Variants in MYB observed in about 807,000 individuals in gnomAD.
The protein encoded by MYB is MYB proto-oncogene, transcription factor, also known as transcriptional activator Myb.
Under a neutral mutation model 92.9 loss-of-function variants are expected in MYB, and 28 were observed. The ratio of observed to expected loss-of-function variants is 0.30; its 90% CI spans 0.22 to 0.41. The LOEUF is 0.41. MYB is among the 10% of genes least tolerant of loss of function. The pLI is 1.00. For synonymous variants in MYB, 295 were observed against 329.1 expected (o/e 0.90, Z 1.12); for missense variants, 679 against 929.3 (o/e 0.73, Z 3.50).
At chr6:135,203,411 A>G in intron 15 of MYB, 87 bp downstream of exon 15, 1 of 1,093,142 alleles carries the variant, frequency 9.1e-7, no homozygotes. Flanking sequence ...TGGTGATGGT[A>G]GTGCTGGTGG....
chr6:135,199,450 TTTTA>T, intron 11 of MYB: 14 of 448,086 alleles, frequency 3.1e-5, no homozygotes, highest in South Asian at 2.4e-4. Flanking sequence ...TTTTATTTAA[TTTTA>T]TTTGTTTATT....
intron 2 of MYB, among the ~76,000 whole-genome samples, chr6:135,186,412 T>C (rs1775921781): frequency 6.6e-6 from 1 of 152,220 alleles, no homozygotes; most frequent in Non-Finnish European, 1.5e-5. Flanking sequence ...TGTTCTACTT[T>C]ATTGTTGCTG....
At position 135,182,568 on chromosome 6, in the gene MYB, G is replaced by A. The variant is rs1391112009; in HGVS notation, c.23+1032G>A. ...CTGCGCGGCGCGCACACGTGGATGCGGCTGAGGTCGCCGCGCCTTCTCGCA... is the reference window on the plus strand; with the variant it reads ...CTGCGCGGCGCGCACACGTGGATGCAGCTGAGGTCGCCGCGCCTTCTCGCA... On this transcript the variant is annotated intron_variant, in intron 1 of 15. Transcript: ENST00000341911. The surrounding 1 kb of genome is among the most constrained non-coding windows in gnomAD (Gnocchi z 5.6). 1.3e-5 allele frequency among the ~76,000 whole-genome samples: 2 copies of A among 152,208 alleles called. No individual in the cohort carries two copies. Among genetic ancestry groups the A allele is most frequent in the Non-Finnish European group, 2.9e-5 (2 of 68,030 alleles).
intron 15 of MYB, among the ~76,000 whole-genome samples, chr6:135,211,099 T>G (rs558775372): frequency 1.3e-5 from 2 of 151,300 alleles, no homozygotes; most frequent in South Asian, 4.2e-4. Flanking sequence ...TTTACTGGTT[T>G]TCTCTATTTT....
intron 9 of MYB, 94 bp from the exon 10 acceptor site, chr6:135,196,867 G>C: frequency 6.3e-7 from 1 of 1,587,678 alleles, no homozygotes; most frequent in African/African-American, 1.3e-5. Context: ...CGGGCCTAGT[G>C]TTTGCTTTGC....
chr6:135,195,465 A>G (rs1488288293), intron 8 of MYB: 1 of 422,670 alleles, frequency 2.4e-6, no homozygotes, highest in African/African-American at 2.0e-5. Context: ...TTTTAAGACA[A>G]TATGATAATT....
chr6:135,216,438 T>C (rs1780446775), intron 15 of MYB, among the ~76,000 whole-genome samples: 1 of 152,226 alleles, frequency 6.6e-6, no homozygotes, highest in African/African-American at 2.4e-5. Context: ...TAATGTACAT[T>C]GTACCCGTTC....
intron 1 of MYB, among the ~76,000 whole-genome samples, chr6:135,183,986 A>G (rs1183291398): frequency 1.3e-5 from 2 of 152,220 alleles, no homozygotes; most frequent in African/African-American, 2.4e-5. Context: ...CTTTGCCTCC[A>G]GAACCCTAGT....
In MYB at chr6:135,189,915, TA is replaced by T. The variant is rs1403182587; in HGVS notation, c.306+34del. 5.1e-6 allele frequency: 8 copies of T among 1,566,002 alleles called. No individual in the cohort carries two copies. The South Asian group carries it at 8.0e-5, about 16-fold the overall frequency. ...TCTTTCTTCATTGGTGTGTGACTCA[TA>T]ATTAAGAATATTCCCAAAATGCTAA... On this transcript the variant is annotated intron_variant, in intron 4 of 15. Coordinates refer to ENST00000341911, the MANE Select transcript of MYB (RefSeq NM_001130173.2).
In MYB at chr6:135,215,599, G is replaced by A. The variant is rs528806486; in HGVS notation, c.2170-2265G>A. ...TCAATAACACTTAGAGGCATGCGGT[G>A]CCTATAGTGAGGGCTTGTTTTATGT... On this transcript the variant is annotated intron_variant, in intron 15 of 15. Coordinates refer to ENST00000341911, the MANE Select transcript of MYB (RefSeq NM_001130173.2). 3.3e-5 allele frequency among the ~76,000 whole-genome samples: 5 copies of A among 152,302 alleles called. No homozygotes were observed. The South Asian group carries it at 1.0e-3, about 32-fold the overall frequency.
At chr6:135,196,302 CTT>C (rs1777297434) in intron 9 of MYB, among the ~76,000 whole-genome samples, 1 of 151,934 alleles carries the variant, frequency 6.6e-6, no homozygotes. Flanking sequence ...AGATTGATGA[CTT>C]ATAAAGCAGA....
At chr6:135,210,622 C>G (rs530605930) in intron 15 of MYB, among the ~76,000 whole-genome samples, 2 of 152,320 alleles carry the variant, frequency 1.3e-5, no homozygotes, top group African/African-American at 4.8e-5. Context: ...AATAAACAAG[C>G]ATGGGGGCAA....
chr6:135,214,663 C>T (rs1780191006), intron 15 of MYB, among the ~76,000 whole-genome samples: 1 of 152,170 alleles, frequency 6.6e-6, no homozygotes, highest in Non-Finnish European at 1.5e-5. Context: ...AACTATTCAC[C>T]CTCAAGTAGT....
intron 4 of MYB, 104 bp downstream of exon 4, chr6:135,189,987 A>G: frequency 7.2e-7 from 1 of 1,393,818 alleles, no homozygotes; most frequent in Non-Finnish European, 1.0e-6. Flanking sequence ...AACAGGAAGT[A>G]GAGGACTCTA....
intron 15 of MYB, among the ~76,000 whole-genome samples, chr6:135,206,784 A>G (rs949226747): frequency 2.0e-5 from 3 of 152,216 alleles, no homozygotes; most frequent in Admixed American, 6.5e-5. Flanking sequence ...ATACTTGCCA[A>G]TTGGGAGGAA....
chr6:135,184,322 CTTTTT>C, intron 1 of MYB, among the ~76,000 whole-genome samples: 6 of 68,416 alleles, frequency 8.8e-5, no homozygotes, highest in African/African-American at 3.6e-4. Flanking sequence ...GGCTTTATAG[CTTTTT>C]TTTTTTTTTT....
At chr6:135,203,982 T>C in intron 15 of MYB, 1 of 906,632 alleles carries the variant, frequency 1.1e-6, no homozygotes, top group Non-Finnish European at 1.4e-6. Context: ...TTTGCTTCCC[T>C]AAATTATTTA....
chr6:135,208,148 G>T (rs1320836121), intron 15 of MYB, among the ~76,000 whole-genome samples: 1 of 144,200 alleles, frequency 6.9e-6, no homozygotes, highest in Non-Finnish European at 1.5e-5. Context: ...GCATGATCTC[G>T]GCTCACTGCA....
intron 1 of MYB, among the ~76,000 whole-genome samples, chr6:135,184,088 A>C (rs1214439258): frequency 6.6e-6 from 1 of 151,194 alleles, no homozygotes; most frequent in Admixed American, 6.5e-5. Flanking sequence ...ACCGCTGCGG[A>C]GAGAGAGGTG....
Sources: gnomAD v4.1 joint callset for allele counts (sites outside exome capture counted in the v4.1 genomes callset) on GRCh38, gnomAD v4.1.1 for gene constraint, Gnocchi (gnomAD v3.1) non-coding constraint, MANE v1.5 for transcripts, NCBI Gene and HGNC (gene_info 2026-07-23, HGNC 2026-07-21) for gene names.